The following LMBR1 variants were observed in gnomAD, a reference collection of about 807,000 sequenced individuals.
LMBR1 encodes limb development membrane protein 1, also known as limb region 1 protein homolog.
Under a neutral mutation model 73.9 loss-of-function variants are expected in LMBR1, and 52 were observed. That is an observed-to-expected ratio of 0.70 (90% CI 0.56 to 0.89). The LOEUF is 0.89. Among genes scored for constraint, LMBR1 ranks in the 40% least tolerant of loss-of-function variants. The probability of loss-of-function intolerance (pLI) is 0.00; values close to 1 mark genes in which losing one functional copy is unlikely to be tolerated. For synonymous variants in LMBR1, 215 were observed against 209.4 expected, an observed-to-expected ratio of 1.03 and a Z score of -0.23; for missense variants, 539 against 579.8, an observed-to-expected ratio of 0.93 and a Z score of 0.72.
At chr7:156,807,179 C>A (rs546213393) in intron 4 of LMBR1, among the ~76,000 whole-genome samples, 1 of 152,260 alleles carries the variant, frequency 6.6e-6, no homozygotes. Flanking sequence ...ACTGGCCTGT[C>A]ATGAAACTTT....
At chr7:156,880,255 C>G (rs1178895246) in intron 1 of LMBR1, among the ~76,000 whole-genome samples, 1 of 152,164 alleles carries the variant, frequency 6.6e-6, no homozygotes, top group Non-Finnish European at 1.5e-5. Flanking sequence ...GAATGGAAAA[C>G]CAAACATCGC....
chr7:156,771,794 T>C (rs1157069655), intron 5 of LMBR1, among the ~76,000 whole-genome samples: 1 of 152,090 alleles, frequency 6.6e-6, no homozygotes, highest in African/African-American at 2.4e-5. Context: ...AAAAGAAAAC[T>C]TCACACCAAT....
At position 156,681,145 on chromosome 7, in the gene LMBR1, A is replaced by G. The variant is rs1365925116; in HGVS notation, c.*2933T>C. Reference sequence around the variant, plus strand: ...CATTAAATAACGTGCTACCAACAAAACTAGCACATAAGAGCCTGTAAATGA... The same window carrying G: ...CATTAAATAACGTGCTACCAACAAAGCTAGCACATAAGAGCCTGTAAATGA... On this transcript the variant is annotated 3_prime_UTR_variant, in exon 17 of 17. Transcript: ENST00000353442. 2 of 449,460 alleles carry G rather than the reference A, an allele frequency of 4.4e-6. No individual in the cohort carries two copies. The highest frequency in any genetic ancestry group is 2.5e-5 in the Admixed American group (1 of 40,424). 27.8% of individuals were successfully genotyped at this position (449,460 alleles called of 1,614,324 possible). A position where few individuals can be genotyped will look rare whatever the true frequency, so the allele number is the denominator to read the frequency against.
Position 156,877,341 on chromosome 7 carries a change from C to T in LMBR1, c.66+15587G>A, listed in dbSNP as rs562403161. ...CTACCAGACAAAGAAGAATTGGTAC[C>T]AATCCTATCGACACTATTCCACAAG... On this transcript the variant is annotated intron_variant, in intron 1 of 16. Transcript: ENST00000353442. 1.4e-3 allele frequency among the ~76,000 whole-genome samples: 208 copies of T among 151,912 alleles called. 1 individual carries two copies. Among genetic ancestry groups the T allele is most frequent in the African/African-American group, 4.2e-3 (174 of 41,440 alleles).
chr7:156,690,212 T>C (rs971360920), intron 15 of LMBR1, among the ~76,000 whole-genome samples: 6 of 152,246 alleles, frequency 3.9e-5, no homozygotes, highest in Non-Finnish European at 8.8e-5. Flanking sequence ...CATATATGTG[T>C]ATTTAATTAT....
intron 10 of LMBR1, 48 bp downstream of exon 10, chr7:156,734,129 T>C: frequency 8.2e-7 from 1 of 1,224,616 alleles, no homozygotes; most frequent in South Asian, 1.4e-5. Context: ...AAGTCTTTAA[T>C]AAGAAACCAA....
At chr7:156,705,495 G>T (rs751937846) in intron 15 of LMBR1, among the ~76,000 whole-genome samples, 1 of 152,152 alleles carries the variant, frequency 6.6e-6, no homozygotes, top group African/African-American at 2.4e-5. Context: ...GGAGGTAGAG[G>T]TTGCAGTGAG....
chr7:156,698,115 G>C (rs985891143), intron 15 of LMBR1, among the ~76,000 whole-genome samples: 6 of 152,190 alleles, frequency 3.9e-5, no homozygotes, highest in Admixed American at 2.6e-4. Context: ...CAGCAGGGCA[G>C]TCAAATCTTA....
chr7:156,841,270 T>C (rs1325248206), intron 1 of LMBR1, among the ~76,000 whole-genome samples: 1 of 152,154 alleles, frequency 6.6e-6, no homozygotes, highest in Non-Finnish European at 1.5e-5. Flanking sequence ...CACTGTTGAA[T>C]CTGACATACA....
intron 5 of LMBR1, among the ~76,000 whole-genome samples, chr7:156,782,414 T>C (rs780989193): frequency 3.0e-4 from 46 of 152,346 alleles, no homozygotes; most frequent in Admixed American, 9.8e-4. Flanking sequence ...CACCAGCTCT[T>C]CCGTTTTACC....
intron 1 of LMBR1, among the ~76,000 whole-genome samples, chr7:156,874,372 G>A (rs990510166): frequency 1.8e-4 from 27 of 152,270 alleles, no homozygotes; most frequent in Middle Eastern, 3.4e-3. Flanking sequence ...CCCGGCTCCC[G>A]CTCGTGCCTC....
intron 1 of LMBR1, chr7:156,892,721 A>AAGGGG (rs1231371499): frequency 9.5e-5 from 30 of 317,030 alleles, no homozygotes; most frequent in African/African-American, 4.3e-4. Context: ...AGAGGAAGCG[A>AAGGGG]AGGGGAGGGG....
chr7:156,868,343 A>AC (rs1198388032), intron 1 of LMBR1, among the ~76,000 whole-genome samples: 1 of 151,748 alleles, frequency 6.6e-6, no homozygotes, highest in Non-Finnish European at 1.5e-5. Flanking sequence ...ACAGGCACAC[A>AC]CCCCCATGCC....
intron 4 of LMBR1, among the ~76,000 whole-genome samples, chr7:156,809,594 C>CTA (rs1832741008): frequency 6.6e-6 from 1 of 152,222 alleles, no homozygotes; most frequent in Non-Finnish European, 1.5e-5. Flanking sequence ...TACATGCTCA[C>CTA]TATAAACACA....
Position 156,725,039 on chromosome 7 carries a change from A to G in LMBR1, c.1158+396T>C, listed in dbSNP as rs145029466. ...GAATAGAACTCTTCCGTCTTACTTTAATTATTCAAATTTGAAATACTTTGT... is the reference window on the plus strand; with the variant it reads ...GAATAGAACTCTTCCGTCTTACTTTGATTATTCAAATTTGAAATACTTTGT... On this transcript the variant is annotated intron_variant, in intron 14 of 16. Transcript: ENST00000353442. 3.0e-3 allele frequency among the ~76,000 whole-genome samples: 457 copies of G among 152,308 alleles called. 1 individual carries two copies. Among genetic ancestry groups the G allele is most frequent in the Non-Finnish European group, 5.1e-3 (350 of 68,016 alleles).
At chr7:156,825,294 CAACT>C (rs1339372034) in intron 4 of LMBR1, among the ~76,000 whole-genome samples, 2 of 152,006 alleles carry the variant, frequency 1.3e-5, no homozygotes, top group African/African-American at 2.4e-5. Flanking sequence ...CTGATAACAC[CAACT>C]AACTACATTA....
intron 4 of LMBR1, among the ~76,000 whole-genome samples, chr7:156,805,360 G>A (rs567408668): frequency 6.6e-5 from 10 of 151,980 alleles, no homozygotes; most frequent in Admixed American, 1.3e-4. Flanking sequence ...GGGATTACAG[G>A]TGCATGCACC....
intron 1 of LMBR1, among the ~76,000 whole-genome samples, chr7:156,869,357 C>A (rs1166778385): frequency 6.6e-6 from 1 of 152,090 alleles, no homozygotes; most frequent in Non-Finnish European, 1.5e-5. Flanking sequence ...TATATTCTGT[C>A]TTATTGCATA....
chr7:156,807,717 T>A (rs1246284820), intron 4 of LMBR1, among the ~76,000 whole-genome samples: 1 of 152,208 alleles, frequency 6.6e-6, no homozygotes, highest in Non-Finnish European at 1.5e-5. Flanking sequence ...AGAAACTGAT[T>A]TGAGGCCTTT....
Sources: gnomAD v4.1 joint callset for allele counts (sites outside exome capture counted in the v4.1 genomes callset) on GRCh38, gnomAD v4.1.1 for gene constraint, MANE v1.5 for transcripts, NCBI Gene and HGNC (gene_info 2026-07-23, HGNC 2026-07-21) for gene names.